TTC17: variants seen among roughly 807,000 people sequenced by gnomAD.
TTC17 encodes tetratricopeptide repeat protein 17.
TTC17 carries 58 observed loss-of-function variants against 143.8 expected under a neutral mutation model. The ratio of observed to expected loss-of-function variants is 0.40; its 90% confidence interval spans 0.33 to 0.50. The LOEUF is 0.50. TTC17 is among the 20% of genes least tolerant of loss of function. TTC17 has a pLI of 0.49. For missense variants in TTC17, 1,273 were observed against 1,392.5 expected (o/e 0.91, Z 1.37); for synonymous variants, 501 against 497.8 (o/e 1.01, Z -0.09).
chr11:43,453,807 G>A (rs1947711164), intron 21 of TTC17, among the ~76,000 whole-genome samples: 1 of 152,150 alleles, frequency 6.6e-6, no homozygotes, highest in South Asian at 2.1e-4. Context: ...ACCATAGGTC[G>A]AAATGCATTT....
chr11:43,407,369 G>A lies in TTC17; in HGVS notation c.1856G>A (p.Trp619Ter). 2 of 1,613,656 alleles carry A rather than the reference G, an allele frequency of 1.2e-6. No homozygotes were observed. Among genetic ancestry groups the A allele is most frequent in the Non-Finnish European group, 1.7e-6 (2 of 1,179,904 alleles). ...HAINKPNAPI[W>*]LILNEAGLYW... ...ATTTTTCAGCCAAATGCTCCTATCT[G>A]GCTCATACTCAATGAAGCTGGACTA... Residue 619 changes from tryptophan to a stop codon, truncating the protein, a stop_gained, in exon 15 of 24, where the codon TGG becomes TAG. Coordinates refer to ENST00000039989, the MANE Select transcript of TTC17 (RefSeq NM_018259.6). LOFTEE classifies it high-confidence loss of function.
At chr11:43,461,701 C>A (rs1265677659) in intron 21 of TTC17, among the ~76,000 whole-genome samples, 3 of 152,052 alleles carry the variant, frequency 2.0e-5, no homozygotes, top group African/African-American at 4.8e-5. Context: ...TAATGGTACA[C>A]CCTGAGGAGT....
intron 3 of TTC17, among the ~76,000 whole-genome samples, chr11:43,390,120 A>G (rs995320162): frequency 6.6e-6 from 1 of 152,132 alleles, no homozygotes; most frequent in African/African-American, 2.4e-5. Context: ...AAGGCTGGGC[A>G]ATATAGCGAG....
intron 10 of TTC17, among the ~76,000 whole-genome samples, chr11:43,401,983 AT>A (rs1419985096): frequency 7.0e-5 from 1 of 14,242 alleles, no homozygotes; most frequent in Admixed American, 9.5e-4. Context: ...GTCTCAAAAA[AT>A]AAATAAATAA....
At chr11:43,487,427 T>TG (rs956950249) in intron 21 of TTC17, among the ~76,000 whole-genome samples, 2 of 152,190 alleles carry the variant, frequency 1.3e-5, no homozygotes, top group African/African-American at 4.8e-5. Flanking sequence ...ATTACAGGTG[T>TG]GGGCCACCAC....
rs1217456396 is a variant in TTC17 at position 43,391,567 on chromosome 11, G to C, written c.522G>C (p.Gln174His). The change falls in exon 4 of 24, where the codon CAG becomes CAC. Residue 174 changes from glutamine (Q) to histidine (H), a missense_variant. This residue lies in a region of TTC17 where 325 missense variants were observed against 444.2 expected (regional missense o/e 0.73). Transcript: ENST00000039989. ...TTCCATATAGTATACATGCTTTTCA[G>C]CACTTGAGAGTAAGTAGAGAACTTT... ...LELPYSIHAFQHLRGVQERVN... is the reference protein window; with the variant it reads ...LELPYSIHAFHHLRGVQERVN... 6.4e-7 allele frequency: 1 copy of C among 1,562,900 alleles called. No homozygotes were observed. Among genetic ancestry groups the C allele is most frequent in the South Asian group, 1.2e-5 (1 of 82,138 alleles).
chr11:43,361,670 G>A (rs373158790), intron 1 of TTC17, among the ~76,000 whole-genome samples: 1 of 152,190 alleles, frequency 6.6e-6, no homozygotes, highest in African/African-American at 2.4e-5. Flanking sequence ...ATTATAAGTT[G>A]AACCATCGAA....
In TTC17 at chr11:43,389,396, G is replaced by A. The variant is rs117994636; in HGVS notation, c.250-256G>A. Among the ~76,000 whole-genome samples the A allele has an allele frequency of 8.3e-3, 1,257 of 152,240 alleles. 10 individuals carry two copies. Among genetic ancestry groups the A allele is most frequent in the Non-Finnish European group, 0.014 (919 of 68,000 alleles). ...AGTTAAGTTAGTAGATGTGCTTCGT[G>A]GGTAGTCAGAAATCATCTTATGAAG... On this transcript the variant is annotated intron_variant, in intron 2 of 23. Coordinates refer to ENST00000039989, the MANE Select transcript of TTC17 (RefSeq NM_018259.6).
chr11:43,388,399 G>T (rs1857247511), intron 2 of TTC17, among the ~76,000 whole-genome samples: 1 of 105,548 alleles, frequency 9.5e-6, no homozygotes, highest in Non-Finnish European at 2.5e-5. Flanking sequence ...TAATATTTTA[G>T]GAGAGTAAGA....
At chr11:43,432,288 A>G (rs941688882) in intron 16 of TTC17, among the ~76,000 whole-genome samples, 2 of 152,224 alleles carry the variant, frequency 1.3e-5, no homozygotes, top group Non-Finnish European at 2.9e-5. Context: ...ATAGGTTAGT[A>G]TTAATTACCC....
intron 1 of TTC17, among the ~76,000 whole-genome samples, chr11:43,374,950 A>G (rs143677820): frequency 6.6e-6 from 1 of 152,322 alleles, no homozygotes; most frequent in Non-Finnish European, 1.5e-5. Flanking sequence ...AAGATGCCCT[A>G]GGCAGAGGGA....
chr11:43,394,886 C>G (rs1011179277), intron 5 of TTC17, among the ~76,000 whole-genome samples: 1 of 151,946 alleles, frequency 6.6e-6, no homozygotes, highest in African/African-American at 2.4e-5. Context: ...GAAAGGGTAT[C>G]CTGCAGAATG....
At chr11:43,379,481 T>TG (rs201589301) in intron 2 of TTC17, among the ~76,000 whole-genome samples, 159 bp downstream of exon 2, 13,354 of 151,830 alleles carry the variant, frequency 0.088, 1,946 homozygotes, top group African/African-American at 0.31. Flanking sequence ...TGTGTGTGTG[T>TG]TTTTTCTTTA....
intron 10 of TTC17, among the ~76,000 whole-genome samples, chr11:43,402,062 T>C (rs558812216): frequency 9.9e-5 from 15 of 152,202 alleles, no homozygotes; most frequent in Non-Finnish European, 1.8e-4. Context: ...TTATCTGTTA[T>C]GTTGTTATGT....
intron 21 of TTC17, chr11:43,466,974 T>C (rs1031049891): frequency 1.9e-5 from 3 of 156,330 alleles, no homozygotes; most frequent in African/African-American, 7.2e-5. Flanking sequence ...CTATAATATT[T>C]GTGCTCTCAC....
Position 43,379,046 on chromosome 11 carries a change from G to A in TTC17, c.160-187G>A. The A allele has an allele frequency of 2.4e-5, 14 of 577,576 alleles. No individual in the cohort carries two copies. In the South Asian group the frequency reaches 3.0e-4, roughly 12 times the overall value. The allele number at this position is 577,576 out of a possible 1,614,324, so 35.8% of individuals were successfully genotyped here. On this transcript the variant is annotated intron_variant, in intron 1 of 23. Transcript: ENST00000039989. The stretch of plus-strand genomic sequence containing the variant: ...CCAAGTTGGAGTTCACAGGACAACT[G>A]TTGCACTTGTCATTCCCTTTGCTAA...
At chr11:43,366,292 T>C (rs1856340075) in intron 1 of TTC17, among the ~76,000 whole-genome samples, 1 of 152,050 alleles carries the variant, frequency 6.6e-6, no homozygotes, top group South Asian at 2.1e-4. Flanking sequence ...TTTTATTTAA[T>C]TAAAAATTTT....
At chr11:43,375,100 C>T (rs1856713423) in intron 1 of TTC17, among the ~76,000 whole-genome samples, 1 of 152,210 alleles carries the variant, frequency 6.6e-6, no homozygotes, top group South Asian at 2.1e-4. Context: ...TAACAAGGAT[C>T]AGTTTTTCTG....
At chr11:43,385,632 C>T (rs1329395972) in intron 2 of TTC17, 1 of 149,982 alleles carries the variant, frequency 6.7e-6, no homozygotes, top group Non-Finnish European at 1.5e-5. Flanking sequence ...ATCCCAGATA[C>T]TTGGGAGGCT....
Sources: gnomAD v4.1 joint callset for allele counts (sites outside exome capture counted in the v4.1 genomes callset) on GRCh38, gnomAD v4.1.1 for gene constraint, gnomAD v4.1.1 regional missense constraint, MANE v1.5 for transcripts, NCBI Gene and HGNC (gene_info 2026-07-23, HGNC 2026-07-21) for gene names.